ERC2: variants seen among roughly 807,000 people sequenced by gnomAD.
ERC2 encodes the protein ELKS/RAB6-interacting/CAST family member 2, also known as ERC protein 2.
A neutral mutation model predicts 114.8 loss-of-function variants in ERC2; 42 were observed. That is an observed-to-expected ratio of 0.37 (90% CI 0.29 to 0.47). The LOEUF is 0.47. Among genes scored for constraint, ERC2 ranks in the 20% least tolerant of loss-of-function variants. ERC2 has a pLI of 0.99. For missense variants in ERC2, 939 were observed against 1,150.7 expected (o/e 0.82, Z 2.66); for synonymous variants, 454 against 425.5 (o/e 1.07, Z -0.82).
At position 55,653,427 on chromosome 3, in the gene ERC2, A is replaced by G. The variant is rs146324575; in HGVS notation, c.*39+30367T>C. 3.1e-3 allele frequency among the ~76,000 whole-genome samples: 473 copies of G among 152,332 alleles called. 1 individual carries two copies. The highest frequency in any genetic ancestry group is 0.011 in the African/African-American group (438 of 41,566). ...GAGAAGTCACCTCAAAAATTTTAAC[A>G]AAGTATTATAATCTATCAAAAGAGC... is the stretch of plus-strand genomic sequence containing the variant. On this transcript the variant is annotated intron_variant, in intron 17 of 17. Coordinates refer to ENST00000288221, the MANE Select transcript of ERC2 (RefSeq NM_015576.3).
intron 14 of ERC2, among the ~76,000 whole-genome samples, chr3:55,825,050 T>A (rs530307224): frequency 6.6e-6 from 1 of 152,320 alleles, no homozygotes; most frequent in East Asian, 1.9e-4. Flanking sequence ...ATTTTTTTTA[T>A]CATGATGTAT....
intron 2 of ERC2, among the ~76,000 whole-genome samples, chr3:56,342,934 G>A (rs148132076): frequency 1.2e-4 from 19 of 152,170 alleles, no homozygotes; most frequent in African/African-American, 4.1e-4. Flanking sequence ...CATTTATTCT[G>A]ATGAAGTTCA....
At chr3:55,609,188 G>T (rs1461055023) in intron 17 of ERC2, among the ~76,000 whole-genome samples, 1 of 152,196 alleles carries the variant, frequency 6.6e-6, no homozygotes, top group African/African-American at 2.4e-5. Flanking sequence ...AGCGAGTGGT[G>T]TGTGGGTGCC....
In ERC2 at chr3:56,213,987, A is replaced by C. The variant is rs1248953274; in HGVS notation, c.1075-40467T>G. On this transcript the variant is annotated intron_variant, in intron 3 of 17. Transcript: ENST00000288221. ...ACTAACAAACAGAAAGGACATCCACACCAAAACCCCATCTGTACGTCACCA... is the reference window on the plus strand; with the variant it reads ...ACTAACAAACAGAAAGGACATCCACCCCAAAACCCCATCTGTACGTCACCA... Among the ~76,000 whole-genome samples the C allele has an allele frequency of 2.6e-5, 4 of 152,294 alleles. No individual in the cohort carries two copies. In the South Asian group the frequency reaches 6.2e-4, roughly 24 times the overall value.
intron 14 of ERC2, among the ~76,000 whole-genome samples, chr3:55,752,608 G>A (rs990760265): frequency 3.3e-5 from 5 of 152,168 alleles, no homozygotes; most frequent in Non-Finnish European, 7.3e-5. Context: ...ACCATTCTAA[G>A]TCCTTTATGT....
At chr3:56,063,798 G>A (rs1485048554) in intron 7 of ERC2, among the ~76,000 whole-genome samples, 1 of 152,136 alleles carries the variant, frequency 6.6e-6, no homozygotes, top group East Asian at 1.9e-4. Context: ...ACTATAAAGT[G>A]GTGTTGAGGG....
chr3:55,570,723 A>C (rs191949238), intron 17 of ERC2, among the ~76,000 whole-genome samples: 23 of 152,250 alleles, frequency 1.5e-4, no homozygotes, highest in African/African-American at 5.5e-4. Context: ...TTCCTTCCCC[A>C]ACTTCTGGCC....
intron 3 of ERC2, among the ~76,000 whole-genome samples, chr3:56,226,228 C>T (rs1190771734): frequency 6.6e-6 from 1 of 152,130 alleles, no homozygotes; most frequent in African/African-American, 2.4e-5. Context: ...AGAGAAAATA[C>T]TTCCAGCCCA....
chr3:56,325,695 A>G (rs1176624949), intron 2 of ERC2, among the ~76,000 whole-genome samples: 1 of 152,196 alleles, frequency 6.6e-6, no homozygotes, highest in Non-Finnish European at 1.5e-5. Flanking sequence ...TGACATTTGT[A>G]AAGTACTTAC....
intron 13 of ERC2, among the ~76,000 whole-genome samples, chr3:55,905,990 T>C (rs2064411362): frequency 1.3e-5 from 2 of 152,276 alleles, no homozygotes; most frequent in South Asian, 4.2e-4. Context: ...TGACTTTACT[T>C]AAGAATTTCC....
At chr3:56,105,129 T>C (rs1033388187) in intron 6 of ERC2, among the ~76,000 whole-genome samples, 1 of 149,652 alleles carries the variant, frequency 6.7e-6, no homozygotes, top group East Asian at 1.9e-4. Flanking sequence ...ATGCCAGGCA[T>C]GTTGGAGCAA....
At chr3:55,636,475 C>T (rs765913378) in intron 17 of ERC2, among the ~76,000 whole-genome samples, 2 of 152,186 alleles carry the variant, frequency 1.3e-5, no homozygotes, top group Non-Finnish European at 2.9e-5. Flanking sequence ...GCACCTGGGA[C>T]ACTTTGTGGG....
intron 14 of ERC2, among the ~76,000 whole-genome samples, chr3:55,864,720 C>A (rs1417852967): frequency 6.6e-6 from 1 of 152,294 alleles, no homozygotes; most frequent in East Asian, 1.9e-4. Context: ...AGAAGCCCTT[C>A]AAACTCAGTC....
At chr3:55,793,563 A>G (rs1287947214) in intron 14 of ERC2, among the ~76,000 whole-genome samples, 1 of 152,190 alleles carries the variant, frequency 6.6e-6, no homozygotes, top group Non-Finnish European at 1.5e-5. Context: ...TGTTATGATT[A>G]TTTCACAACT....
At chr3:55,947,840 A>G (rs757561430) in intron 13 of ERC2, among the ~76,000 whole-genome samples, 3 of 152,262 alleles carry the variant, frequency 2.0e-5, no homozygotes, top group Non-Finnish European at 4.4e-5. Flanking sequence ...TCTACCAAAA[A>G]TAAACAATAA....
intron 6 of ERC2, among the ~76,000 whole-genome samples, chr3:56,122,001 A>C (rs1429144374): frequency 6.6e-6 from 1 of 152,240 alleles, no homozygotes; most frequent in Non-Finnish European, 1.5e-5. Flanking sequence ...GGCAACTGAC[A>C]AAGGACTTCA....
chr3:55,903,722 T>C (rs2064270575), intron 13 of ERC2, among the ~76,000 whole-genome samples: 1 of 152,230 alleles, frequency 6.6e-6, no homozygotes, highest in Admixed American at 6.5e-5. Flanking sequence ...ACAATTAGGC[T>C]GTGTAATTTT....
Position 55,899,524 on chromosome 3 carries a change from T to A in ERC2, c.2404-10975A>T, listed in dbSNP as rs566411069. 5.3e-5 allele frequency among the ~76,000 whole-genome samples: 8 copies of A among 151,762 alleles called. No homozygotes were observed. The South Asian group carries it at 1.7e-3, about 32-fold the overall frequency. ...GAGTGTGTGTGTGTGAGAGAGAGAG[T>A]GTGTGTGTGATTTAAAAGTGTTACA... is the stretch of plus-strand genomic sequence containing the variant. On this transcript the variant is annotated intron_variant, in intron 13 of 17. Transcript: ENST00000288221.
chr3:55,945,557 A>G (rs952872632), intron 13 of ERC2, among the ~76,000 whole-genome samples: 1 of 152,216 alleles, frequency 6.6e-6, no homozygotes, highest in African/African-American at 2.4e-5. Context: ...AAAGCTATGC[A>G]TTTTTGAGGT....
Sources: allele counts gnomAD v4.1 joint callset (sites outside exome capture counted in the v4.1 genomes callset), GRCh38; gene constraint gnomAD v4.1.1; transcripts MANE v1.5; gene names NCBI Gene and HGNC (gene_info 2026-07-23, HGNC 2026-07-21).